The following LIN28B variants were observed in gnomAD, a reference collection of about 807,000 sequenced individuals.
The protein encoded by LIN28B is protein lin-28 homolog B.
LIN28B carries 5 observed loss-of-function variants against 21.9 expected under a neutral mutation model. That is an observed-to-expected ratio of 0.23 (90% CI 0.12 to 0.48). The LOEUF is 0.48. Among genes scored for constraint, LIN28B ranks in the 20% least tolerant of loss-of-function variants. LIN28B has a pLI of 0.98. For synonymous variants in LIN28B, 109 were observed against 111.3 expected (o/e 0.98, Z 0.13); for missense variants, 245 against 310.5 (o/e 0.79, Z 1.58).
rs539091146 is a variant in LIN28B, at chr6:104,974,965, A to C, written c.198+16679A>C. ...CTCCCAAGTAGCTGGGATTACAGGCACCTGCCACCACACCTGGATAATTTT... is the reference window on the plus strand; with the variant it reads ...CTCCCAAGTAGCTGGGATTACAGGCCCCTGCCACCACACCTGGATAATTTT... On this transcript the variant is annotated intron_variant, in intron 2 of 3. Coordinates refer to ENST00000345080, the MANE Select transcript of LIN28B (RefSeq NM_001004317.4). 7.0e-3 allele frequency among the ~76,000 whole-genome samples: 1,067 copies of C among 152,014 alleles called. 10 individuals carry two copies. Among genetic ancestry groups the C allele is most frequent in the African/African-American group, 0.024 (989 of 41,480 alleles).
At chr6:105,044,248 G>A (rs543992640) in intron 3 of LIN28B, among the ~76,000 whole-genome samples, 17 of 152,136 alleles carry the variant, frequency 1.1e-4, no homozygotes, top group Admixed American at 3.3e-4. Context: ...TCTTCCATAC[G>A]TTACTTCTAA....
chr6:104,952,263 T>C (rs896860953), upstream of LIN28B, among the ~76,000 whole-genome samples: 2 of 152,234 alleles, frequency 1.3e-5, no homozygotes, highest in African/African-American at 2.4e-5. Context: ...TTAGGAAACA[T>C]ACATGTTCAA....
chr6:105,031,117 A>G (rs1381406695), intron 3 of LIN28B, among the ~76,000 whole-genome samples: 1 of 151,732 alleles, frequency 6.6e-6, no homozygotes, highest in Non-Finnish European at 1.5e-5. Flanking sequence ...TTGACTATGT[A>G]AATATCCCAT....
intron 2 of LIN28B, among the ~76,000 whole-genome samples, chr6:105,018,022 C>G (rs1013234562): frequency 2.6e-5 from 4 of 152,112 alleles, no homozygotes; most frequent in African/African-American, 9.7e-5. Context: ...CCTGTAATCC[C>G]AACACTTTGG....
At chr6:104,958,310 C>T in intron 2 of LIN28B, 24 bp downstream of exon 2, 8 of 1,533,892 alleles carry the variant, frequency 5.2e-6, no homozygotes, top group Non-Finnish European at 7.1e-6. Context: ...TTTTGTCCCC[C>T]TCTTCATCTT....
chr6:104,973,977 A>T (rs764769692), intron 2 of LIN28B, among the ~76,000 whole-genome samples: 1 of 152,234 alleles, frequency 6.6e-6, no homozygotes, highest in Non-Finnish European at 1.5e-5. Flanking sequence ...AAGAAAGTAT[A>T]TATGAAATGT....
intron 2 of LIN28B, among the ~76,000 whole-genome samples, chr6:104,989,112 A>G (rs1348487258): frequency 1.3e-5 from 2 of 151,994 alleles, no homozygotes; most frequent in Non-Finnish European, 2.9e-5. Context: ...TATTTATTTT[A>G]TCTTCGATTT....
At chr6:105,043,200 G>A (rs1771672755) in intron 3 of LIN28B, among the ~76,000 whole-genome samples, 1 of 152,050 alleles carries the variant, frequency 6.6e-6, no homozygotes, top group Admixed American at 6.5e-5. Flanking sequence ...GCTGAGGCAG[G>A]TGGATCACTT....
chr6:105,066,438 C>T (rs888948612), intron 3 of LIN28B, among the ~76,000 whole-genome samples: 3 of 152,144 alleles, frequency 2.0e-5, no homozygotes, highest in African/African-American at 7.2e-5. Flanking sequence ...CCCTGGCTTG[C>T]AAACAACCAG....
chr6:104,969,195 T>C (rs966377123), intron 2 of LIN28B, among the ~76,000 whole-genome samples: 4 of 152,186 alleles, frequency 2.6e-5, no homozygotes, highest in African/African-American at 9.7e-5. Context: ...CCTCATTTTT[T>C]AGCTCTCTAA....
chr6:105,029,065 A>G (rs947504496), intron 3 of LIN28B, among the ~76,000 whole-genome samples: 2 of 152,216 alleles, frequency 1.3e-5, no homozygotes, highest in African/African-American at 4.8e-5. Flanking sequence ...CCGCTTAGCA[A>G]CACGGAAGTC....
At chr6:104,956,995 C>G (rs888004210), upstream of LIN28B, 3 of 1,100,898 alleles carry the variant, frequency 2.7e-6, no homozygotes, top group Non-Finnish European at 3.7e-6. Context: ...TTATCTCTTC[C>G]TCTTGCCAGC....
intron 2 of LIN28B, among the ~76,000 whole-genome samples, chr6:105,025,859 A>C (rs1042349147): frequency 6.6e-6 from 1 of 151,992 alleles, no homozygotes; most frequent in Non-Finnish European, 1.5e-5. Flanking sequence ...ACATTAGAAC[A>C]TGTAGAACTA....
upstream of LIN28B, among the ~76,000 whole-genome samples, chr6:104,953,701 G>A (rs1051103726): frequency 3.9e-5 from 6 of 152,084 alleles, no homozygotes; most frequent in African/African-American, 1.4e-4. Flanking sequence ...CTGCTGGCGC[G>A]GGGTCTGGGG....
At chr6:104,941,296 G>A (rs1778087599) in intron 2 of LIN28B, 1 of 152,146 alleles carries the variant, frequency 6.6e-6, no homozygotes, top group South Asian at 2.1e-4. Flanking sequence ...GCTAAGACGC[G>A]GGCAGTCGAT....
intron 3 of LIN28B, 69 bp from the exon 4 acceptor site, chr6:105,078,345 A>C (rs1772474974): frequency 7.0e-7 from 1 of 1,422,512 alleles, no homozygotes; most frequent in Non-Finnish European, 9.5e-7. Context: ...GTGTGTTTTC[A>C]CATTTTAAAA....
chr6:104,988,764 A>G (rs1021352146), intron 2 of LIN28B, among the ~76,000 whole-genome samples: 1 of 152,016 alleles, frequency 6.6e-6, no homozygotes, highest in African/African-American at 2.4e-5. Flanking sequence ...TTTTTAGTAG[A>G]GATGGAGTTT....
chr6:105,031,215 C>T (rs1183522109), intron 3 of LIN28B, among the ~76,000 whole-genome samples: 3 of 151,984 alleles, frequency 2.0e-5, no homozygotes, highest in Non-Finnish European at 2.9e-5. Flanking sequence ...TCTGTAACCA[C>T]CGTTATTTAT....
At chr6:105,041,072 C>T (rs1771621926) in intron 3 of LIN28B, among the ~76,000 whole-genome samples, 1 of 150,770 alleles carries the variant, frequency 6.6e-6, no homozygotes. Flanking sequence ...CCAACACAAC[C>T]AATAATTTTT....
Sources: allele counts gnomAD v4.1 joint callset (sites outside exome capture counted in the v4.1 genomes callset), GRCh38; gene constraint gnomAD v4.1.1; transcripts MANE v1.5; gene names NCBI Gene and HGNC (gene_info 2026-07-23, HGNC 2026-07-21).